ZNF114: variants seen among roughly 807,000 people sequenced by gnomAD.
ZNF114 encodes the protein zinc finger protein 114 (Y18).
In ZNF114, 8 loss-of-function variants were observed where a neutral mutation model predicts 6.8. The observed-to-expected ratio is 1.18, with a 90% CI of 0.69 to 2.13. The LOEUF (loss-of-function observed/expected upper bound fraction) is 2.13. ZNF114 is among the 30% of genes most tolerant of loss of function. ZNF114 has a pLI of 0.00. For synonymous variants in ZNF114, 169 were observed against 185.5 expected (o/e 0.91, Z 0.72); for missense variants, 472 against 519.5 (o/e 0.91, Z 0.89).
Position 48,287,222 on chromosome 19 carries a change from G to A in ZNF114, c.*344G>A, listed in dbSNP as rs144919532. The stretch of plus-strand genomic sequence containing the variant: ...AAAATGTAGGAAAGACCTGCCGGCC[G>A]CGGTGGCTCATGCCTGTAATCCCAG... On this transcript the variant is annotated 3_prime_UTR_variant, in exon 6 of 6. Transcript: ENST00000595607. 3.1e-4 allele frequency: 51 copies of A among 163,778 alleles called. 1 individual carries two copies. Among genetic ancestry groups the A allele is most frequent in the African/African-American group, 1.1e-3 (48 of 41,754 alleles). 10.1% of individuals were successfully genotyped at this position (163,778 alleles called of 1,614,324 possible).
chr19:48,283,542 A>G (rs1968045610), intron 5 of ZNF114, among the ~76,000 whole-genome samples: 1 of 152,108 alleles, frequency 6.6e-6, no homozygotes, highest in African/African-American at 2.4e-5. Context: ...GCATCTCAGT[A>G]CCAGGTAGAT....
intron 5 of ZNF114, among the ~76,000 whole-genome samples, chr19:48,283,923 G>A (rs1456690700): frequency 6.6e-6 from 1 of 152,008 alleles, no homozygotes; most frequent in Non-Finnish European, 1.5e-5. Flanking sequence ...TAGTAGAGAC[G>A]GGGTTTCACT....
At chr19:48,274,924 A>C (rs969217923) in intron 3 of ZNF114, among the ~76,000 whole-genome samples, 6 of 152,120 alleles carry the variant, frequency 3.9e-5, no homozygotes, top group Non-Finnish European at 7.4e-5. Context: ...GTCCCTGGGT[A>C]GTCAGAATGG....
chr19:48,286,077 A>G lies in ZNF114; in HGVS notation c.453A>G (p.Leu151=). The G allele has an allele frequency of 1.9e-6, 3 of 1,614,070 alleles. No individual in the cohort carries two copies. The highest frequency in any genetic ancestry group is 2.5e-6 in the Non-Finnish European group (3 of 1,180,044). Residue 151 remains leucine, a synonymous_variant, in exon 6 of 6, where the codon CTA becomes CTG. Transcript: ENST00000595607. ...SQGDSIRQCI[L]TRDSSIFKYN... ...GAGATTCCATAAGACAATGTATCCT[A>G]ACACGTGACTCAAGTATTTTCAAGT...
chr19:48,276,200 C>A (rs1167499408), intron 3 of ZNF114, among the ~76,000 whole-genome samples: 1 of 151,096 alleles, frequency 6.6e-6, no homozygotes, highest in Non-Finnish European at 1.5e-5. Flanking sequence ...CTGCTTCAGC[C>A]TCCCGAGTAG....
At chr19:48,276,514 T>C (rs28521563) in intron 3 of ZNF114, among the ~76,000 whole-genome samples, 66,705 of 151,904 alleles carry the variant, frequency 0.44, 15,565 homozygotes, top group East Asian at 0.52. Context: ...TTTATTAAGG[T>C]TGCAAAATGA....
chr19:48,272,428 AAT>A (rs1273089367), intron 3 of ZNF114, among the ~76,000 whole-genome samples: 5 of 136,796 alleles, frequency 3.7e-5, no homozygotes, highest in South Asian at 2.3e-4. Flanking sequence ...AAAAATAAAT[AAT>A]AATAATAATA....
chr19:48,279,130 T>G (rs796124832), intron 3 of ZNF114, among the ~76,000 whole-genome samples: 32 of 151,946 alleles, frequency 2.1e-4, no homozygotes, highest in African/African-American at 7.5e-4. Context: ...TTAAAATGGT[T>G]AACTTCATGA....
chr19:48,282,408 C>CT lies in ZNF114; in HGVS notation c.47_48insT (p.Lys17GlnfsTer24). On this transcript the variant is annotated frameshift_variant, in exon 5 of 6. Transcript: ENST00000595607. LOFTEE classifies it high-confidence loss of function. ...TTCGCAGACGTGGCTGTGAACTTCA[C>CT]CAAAGAGGAGTGGACCCTGCTGGAC... 1 of 1,613,410 alleles carries CT rather than the reference C, an allele frequency of 6.2e-7. No individual in the cohort carries two copies. The highest frequency in any genetic ancestry group is 2.2e-5 in the East Asian group (1 of 44,802).
intron 5 of ZNF114, 126 bp from the exon 6 acceptor site, chr19:48,285,635 C>A: frequency 7.7e-6 from 8 of 1,044,752 alleles, no homozygotes; most frequent in South Asian, 3.7e-5. Flanking sequence ...ATGGAAGGAG[C>A]GAGGGAGGGA....
intron 3 of ZNF114, among the ~76,000 whole-genome samples, chr19:48,276,071 CCT>C (rs1248699163): frequency 1.6e-5 from 2 of 124,850 alleles, no homozygotes; most frequent in African/African-American, 5.6e-5. Context: ...GAGCCTCTTA[CCT>C]CTTTTTTTTT....
At chr19:48,272,150 C>T (rs1208309309) in intron 3 of ZNF114, among the ~76,000 whole-genome samples, 1 of 152,150 alleles carries the variant, frequency 6.6e-6, no homozygotes, top group Non-Finnish European at 1.5e-5. Flanking sequence ...GTGGCTCACG[C>T]CTGTAATCCC....
At chr19:48,283,511 C>A (rs1008518788) in intron 5 of ZNF114, among the ~76,000 whole-genome samples, 7 of 152,064 alleles carry the variant, frequency 4.6e-5, no homozygotes, top group African/African-American at 1.7e-4. Context: ...CAGTGCAGGG[C>A]AGTTTTGTCC....
chr19:48,273,973 G>A (rs140598219), intron 3 of ZNF114, among the ~76,000 whole-genome samples: 2,970 of 151,676 alleles, frequency 0.02, 106 homozygotes, highest in African/African-American at 0.066. Context: ...TAGCCGGGAT[G>A]ATCTTGATCT....
rs749201884 is a variant in ZNF114 at position 48,277,794 on chromosome 19, G to GGTGTGTGTGTGTGTGTGTGTGTGTGTGT, written c.-69-1924_-69-1897dup. Among the ~76,000 whole-genome samples the GGTGTGTGTGTGTGTGTGTGTGTGTGTGT allele has an allele frequency of 1.8e-3, 219 of 119,376 alleles. 8 individuals are homozygous for GGTGTGTGTGTGTGTGTGTGTGTGTGTGT. The highest frequency in any genetic ancestry group is 3.7e-3 in the African/African-American group (112 of 30,578). The allele number at this position is 119,376 out of a possible 152,430, so 78.3% of individuals were successfully genotyped here. On this transcript the variant is annotated intron_variant, in intron 3 of 5. Transcript: ENST00000595607. Reference sequence around the variant, plus strand: ...GAATAGACTGACCAGGGAGGCATTGGGTGTGTGTGTGTGTGTGTGTGTGTG... The same window carrying GGTGTGTGTGTGTGTGTGTGTGTGTGTGT: ...GAATAGACTGACCAGGGAGGCATTGGGTGTGTGTGTGTGTGTGTGTGTGTGTGTGTGTGTGTGTGTGTGTGTGTGTGTG...
chr19:48,286,133 C>A lies in ZNF114; in HGVS notation c.509C>A (p.Thr170Lys), dbSNP rs1167726278. The A allele has an allele frequency of 6.2e-7, 1 of 1,614,148 alleles. No individual in the cohort carries two copies. The highest frequency in any genetic ancestry group is 1.1e-5 in the South Asian group (1 of 91,090). The change falls in exon 6 of 6, where the codon ACA becomes AAA. Residue 170 changes from threonine to lysine, a missense_variant. By Grantham distance (78) the Thr-to-Lys change is moderately conservative. Coordinates refer to ENST00000595607, the MANE Select transcript of ZNF114 (RefSeq NM_153608.4). ...CCTGTCTTAAACGATAGTCAAAAAA[C>A]ACATGAAAACAACGAAGACGATGGA... is the stretch of plus-strand genomic sequence containing the variant. Reference protein sequence around the residue: ...YNPVLNDSQKTHENNEDDGVL... With the variant: ...YNPVLNDSQKKHENNEDDGVL...
intron 4 of ZNF114, 23 bp from the exon 5 acceptor site, chr19:48,282,347 GC>G (rs763940993): frequency 1.4e-5 from 22 of 1,610,914 alleles, no homozygotes; most frequent in Non-Finnish European, 1.8e-5. Context: ...ACCCCTCCGA[GC>G]CAAACTGCAT....
At chr19:48,275,458 A>ACACACACAC (rs1600837639) in intron 3 of ZNF114, among the ~76,000 whole-genome samples, 21 of 145,230 alleles carry the variant, frequency 1.4e-4, no homozygotes, top group South Asian at 2.2e-4. Flanking sequence ...ACACACACAC[A>ACACACACAC]AAATAGCCAG....
chr19:48,286,941 T>A lies in ZNF114; in HGVS notation c.*63T>A. 1 of 1,499,364 alleles carries A rather than the reference T, an allele frequency of 6.7e-7. No individual in the cohort carries two copies. The highest frequency in any genetic ancestry group is 1.4e-5 in the South Asian group (1 of 70,236). 92.9% of individuals were successfully genotyped at this position (1,499,364 alleles called of 1,614,324 possible). On this transcript the variant is annotated 3_prime_UTR_variant, in exon 6 of 6. Coordinates refer to ENST00000595607, the MANE Select transcript of ZNF114 (RefSeq NM_153608.4). ...TACCAAACATGTGAGGAGGACATATTGGAAGGGAGCTCAAGGGGTTAGCAT... is the reference window on the plus strand; with the variant it reads ...TACCAAACATGTGAGGAGGACATATAGGAAGGGAGCTCAAGGGGTTAGCAT...
Sources: gnomAD v4.1 joint callset for allele counts (sites outside exome capture counted in the v4.1 genomes callset) on GRCh38, gnomAD v4.1.1 for gene constraint, MANE v1.5 for transcripts, NCBI Gene and HGNC (gene_info 2026-07-23, HGNC 2026-07-21) for gene names.